Variants in ERBB4 observed in about 807,000 individuals in gnomAD.
The protein encoded by ERBB4 is receptor tyrosine-protein kinase erbB-4.
A neutral mutation model predicts 158.0 loss-of-function variants in ERBB4; 42 were observed. That is an observed-to-expected ratio of 0.27 (90% CI 0.21 to 0.34). The LOEUF (loss-of-function observed/expected upper bound fraction) is 0.34, where lower values mean the gene tolerates loss of function less well. Ranked by LOEUF, ERBB4 falls within the 10% of genes least tolerant of loss-of-function variation. The pLI is 1.00. For missense variants in ERBB4, 1,333 were observed against 1,624.1 expected (o/e 0.82, Z 3.08); for synonymous variants, 583 against 558.7 (o/e 1.04, Z -0.61).
chr2:211,800,858 TG>T (rs1262007293), intron 3 of ERBB4, among the ~76,000 whole-genome samples: 1 of 152,028 alleles, frequency 6.6e-6, no homozygotes, highest in Non-Finnish European at 1.5e-5. Context: ...AATAAAAAAG[TG>T]AATTAAAAGA....
chr2:211,922,068 A>T (rs2125079240), intron 3 of ERBB4, among the ~76,000 whole-genome samples: 1 of 152,198 alleles, frequency 6.6e-6, no homozygotes, highest in East Asian at 1.9e-4. Context: ...TTGTTTTATA[A>T]AAAACTTAGA....
At chr2:211,417,586 C>G (rs1449391289) in intron 25 of ERBB4, among the ~76,000 whole-genome samples, 1 of 152,120 alleles carries the variant, frequency 6.6e-6, no homozygotes, top group Non-Finnish European at 1.5e-5. Flanking sequence ...CATCAACTTT[C>G]TGGACAAATA....
intron 1 of ERBB4, among the ~76,000 whole-genome samples, chr2:212,263,682 T>C (rs2085026484): frequency 6.6e-6 from 1 of 151,994 alleles, no homozygotes. Context: ...CTTAATACAT[T>C]TTTCTCTAAT....
At chr2:212,335,174 GT>G (rs763575150) in intron 1 of ERBB4, among the ~76,000 whole-genome samples, 5 of 151,920 alleles carry the variant, frequency 3.3e-5, no homozygotes, top group Non-Finnish European at 5.9e-5. Context: ...AGAGTCAGAG[GT>G]TATATTTAAA....
chr2:211,753,620 T>C (rs1176406471), intron 4 of ERBB4, among the ~76,000 whole-genome samples: 1 of 151,880 alleles, frequency 6.6e-6, no homozygotes, highest in Middle Eastern at 3.2e-3. Context: ...TCCCAGGGGC[T>C]TGGAAGTCAG....
intron 14 of ERBB4, among the ~76,000 whole-genome samples, chr2:211,669,025 C>T (rs370482295): frequency 2.6e-5 from 4 of 151,846 alleles, no homozygotes; most frequent in African/African-American, 9.7e-5. Context: ...CAGTTCAAGA[C>T]CAACCTGGGC....
intron 20 of ERBB4, among the ~76,000 whole-genome samples, chr2:211,542,730 C>T (rs1305289355): frequency 6.6e-6 from 1 of 151,776 alleles, no homozygotes; most frequent in Non-Finnish European, 1.5e-5. Context: ...ATTTAAAATA[C>T]AGATTTCCCT....
chr2:211,548,274 G>A lies in ERBB4; in HGVS notation c.2487+13629C>T, dbSNP rs891333929. ...AGGTGCTTTATCACCGATTTGGGAG[G>A]TTGCAATGTTATTAGACAAACTGAT... is the stretch of plus-strand genomic sequence containing the variant. On this transcript the variant is annotated intron_variant, in intron 20 of 27. Coordinates refer to ENST00000342788, the MANE Select transcript of ERBB4 (RefSeq NM_005235.3). Among the ~76,000 whole-genome samples, 3 of 151,700 alleles carry A rather than the reference G, an allele frequency of 2.0e-5. No individual in the cohort carries two copies. In the East Asian group the frequency reaches 5.8e-4, roughly 29 times the overall value.
chr2:212,066,529 TATGA>T (rs1559429659), intron 2 of ERBB4, among the ~76,000 whole-genome samples: 1 of 152,048 alleles, frequency 6.6e-6, no homozygotes, highest in African/African-American at 2.4e-5. Flanking sequence ...GTTATATTTA[TATGA>T]ATATGTTATT....
intron 1 of ERBB4, among the ~76,000 whole-genome samples, chr2:212,261,940 C>A (rs76181650): frequency 0.013 from 1,909 of 152,022 alleles, 27 homozygotes; most frequent in African/African-American, 0.043. Context: ...AAATTAGGTA[C>A]AAATGTAAAA....
At chr2:211,988,130 A>T (rs2081983650) in intron 2 of ERBB4, among the ~76,000 whole-genome samples, 1 of 152,212 alleles carries the variant, frequency 6.6e-6, no homozygotes, top group African/African-American at 2.4e-5. Context: ...TTAGAGCAGA[A>T]AAAGGTTTTA....
chr2:212,328,166 T>C (rs2087950623), intron 1 of ERBB4, among the ~76,000 whole-genome samples: 1 of 151,948 alleles, frequency 6.6e-6, no homozygotes, highest in Non-Finnish European at 1.5e-5. Context: ...ATGGCTTCAA[T>C]CATGTTTGGA....
At chr2:211,960,709 A>G (rs971391392) in intron 2 of ERBB4, 1 of 152,066 alleles carries the variant, frequency 6.6e-6, no homozygotes, top group Non-Finnish European at 1.5e-5. Flanking sequence ...ATGTTTTCAC[A>G]CAGCAGAAGG....
At chr2:212,285,704 A>T (rs1166294782) in intron 1 of ERBB4, among the ~76,000 whole-genome samples, 1 of 152,180 alleles carries the variant, frequency 6.6e-6, no homozygotes, top group Non-Finnish European at 1.5e-5. Flanking sequence ...ATATTTTAAG[A>T]GGAGGAAAAA....
At position 211,401,331 on chromosome 2, in the gene ERBB4, G is replaced by A. The variant is rs867437538; in HGVS notation, c.3136-13339C>T. ...ATGAGGGTGAGAAAGTCAATGGAACGCAAACATTAGAAATTCACATTTTTT... is the reference window on the plus strand; with the variant it reads ...ATGAGGGTGAGAAAGTCAATGGAACACAAACATTAGAAATTCACATTTTTT... On this transcript the variant is annotated intron_variant, in intron 25 of 27. Transcript: ENST00000342788. Among the ~76,000 whole-genome samples, 173 of 152,028 alleles carry A rather than the reference G, an allele frequency of 1.1e-3. 2 individuals carry two copies. Among genetic ancestry groups the A allele is most frequent in the Non-Finnish European group, 3.2e-4 (22 of 67,916 alleles).
rs186103330 is a variant in ERBB4, at chr2:212,444,966, A to C, written c.82+93483T>G. 2.2e-3 allele frequency among the ~76,000 whole-genome samples: 327 copies of C among 151,574 alleles called. 10 individuals carry two copies. The highest frequency in any genetic ancestry group is 0.02 in the Admixed American group (303 of 15,138). On this transcript the variant is annotated intron_variant, in intron 1 of 27. Transcript: ENST00000342788. ...GCATGCCATTCTTCTGCCAAAACTAATATCTGTGGACTCGCAGAATGCCTT... is the reference window on the plus strand; with the variant it reads ...GCATGCCATTCTTCTGCCAAAACTACTATCTGTGGACTCGCAGAATGCCTT...
chr2:211,645,985 CCTAT>C (rs1485420513), intron 16 of ERBB4, among the ~76,000 whole-genome samples: 1 of 151,356 alleles, frequency 6.6e-6, no homozygotes, highest in African/African-American at 2.4e-5. Flanking sequence ...GTAGGAATAG[CCTAT>C]CTTTCAATAG....
At chr2:212,268,042 C>T (rs1004528359) in intron 1 of ERBB4, among the ~76,000 whole-genome samples, 12 of 151,938 alleles carry the variant, frequency 7.9e-5, no homozygotes, top group African/African-American at 2.9e-4. Flanking sequence ...AAGACTTAAA[C>T]ATCACCACTA....
At chr2:211,755,222 C>T (rs992220049) in intron 4 of ERBB4, among the ~76,000 whole-genome samples, 4 of 152,136 alleles carry the variant, frequency 2.6e-5, no homozygotes, top group Non-Finnish European at 4.4e-5. Context: ...AAGTGCTAAG[C>T]CTAGTGCAGC....
Sources: allele counts gnomAD v4.1 joint callset (sites outside exome capture counted in the v4.1 genomes callset), GRCh38; gene constraint gnomAD v4.1.1; transcripts MANE v1.5; gene names NCBI Gene and HGNC (gene_info 2026-07-23, HGNC 2026-07-21).